Variants in STPG2 observed in about 807,000 individuals in gnomAD.
STPG2 encodes the protein sperm-tail PG-rich repeat-containing protein 2.
A neutral mutation model predicts 54.2 loss-of-function variants in STPG2; 56 were observed. The observed-to-expected ratio is 1.03, with a 90% CI of 0.83 to 1.29. The LOEUF (loss-of-function observed/expected upper bound fraction) is 1.29, where lower values mean the gene tolerates loss of function less well. STPG2 is among the 50% of genes most tolerant of loss of function. STPG2 has a pLI of 0.00. For missense variants in STPG2, 596 were observed against 544.9 expected (o/e 1.09, Z -0.93); for synonymous variants, 200 against 181.8 (o/e 1.10, Z -0.81).
At chr4:97,965,876 A>C (rs938070695) in intron 7 of STPG2, among the ~76,000 whole-genome samples, 4 of 152,208 alleles carry the variant, frequency 2.6e-5, no homozygotes, top group Non-Finnish European at 4.4e-5. Context: ...CCAACATCAA[A>C]GACCAAAGGT....
chr4:97,780,602 C>T (rs1004928702), intron 9 of STPG2, among the ~76,000 whole-genome samples: 7 of 126,228 alleles, frequency 5.5e-5, no homozygotes, highest in Non-Finnish European at 1.1e-4. Context: ...CTGCAGAATG[C>T]TCCACCCCAA....
chr4:97,770,773 G>A (rs954287226), intron 9 of STPG2, among the ~76,000 whole-genome samples: 6 of 152,120 alleles, frequency 3.9e-5, no homozygotes, highest in Admixed American at 3.9e-4. Context: ...TAAAACTGAA[G>A]GTTCTAAGAA....
At chr4:97,457,773 G>A (rs1351319724) in intron 4 of STPG2, among the ~76,000 whole-genome samples, 1 of 152,128 alleles carries the variant, frequency 6.6e-6, no homozygotes. Context: ...GCTTGGGTTT[G>A]GAAAAGACTA....
At chr4:98,022,654 T>A (rs7684008) in intron 5 of STPG2, among the ~76,000 whole-genome samples, 1 of 151,428 alleles carries the variant, frequency 6.6e-6, no homozygotes, top group Admixed American at 6.6e-5. Context: ...TTCAGGTACA[T>A]CAATCAGACG....
At position 97,808,524 on chromosome 4, in the gene STPG2, A is replaced by T. The variant is rs575653127; in HGVS notation, c.1204+32249T>A. On this transcript the variant is annotated intron_variant, in intron 9 of 10. Transcript: ENST00000295268. ...TTTTTCAAAATCCTAAAAATACTCA[A>T]ATCATAAAGGCAATAAAAACGCAGA... is the stretch of plus-strand genomic sequence containing the variant. Among the ~76,000 whole-genome samples, 858 of 151,880 alleles carry T rather than the reference A, an allele frequency of 5.6e-3. 5 individuals are homozygous for T. The highest frequency in any genetic ancestry group is 0.02 in the Middle Eastern group (6 of 294).
intron 4 of STPG2, among the ~76,000 whole-genome samples, chr4:97,498,978 C>G (rs999061616): frequency 4.6e-5 from 7 of 151,876 alleles, no homozygotes; most frequent in Non-Finnish European, 1.0e-4. Context: ...CTCAAGAAGC[C>G]AGTACTTAAG....
intron 1 of STPG2, among the ~76,000 whole-genome samples, chr4:98,138,555 G>A (rs1173230174): frequency 1.3e-5 from 2 of 151,938 alleles, no homozygotes; most frequent in Non-Finnish European, 2.9e-5. Flanking sequence ...AAAGAAAACG[G>A]CATTTTTCAC....
At position 97,475,998 on chromosome 4, in the gene STPG2, T is replaced by A. The variant is rs532062318; in HGVS notation, c.462+236701A>T. On this transcript the variant is annotated intron_variant, in intron 4 of 4. Coordinates refer to the STPG2 transcript ENST00000522676. ...TTATTTTTTCTCTGTACCATTAGAA[T>A]GTAAGCTCTTGGAGGAAGAAATATT... Among the ~76,000 whole-genome samples the A allele has an allele frequency of 2.4e-4, 36 of 152,314 alleles. 1 individual carries two copies. Among genetic ancestry groups the A allele is most frequent in the Non-Finnish European group, 4.9e-4 (33 of 68,020 alleles).
chr4:97,475,389 C>T (rs915820628), intron 4 of STPG2, among the ~76,000 whole-genome samples: 2 of 151,056 alleles, frequency 1.3e-5, no homozygotes, highest in South Asian at 2.1e-4. Flanking sequence ...TAGAAATCTT[C>T]ACTCTTTAAC....
At chr4:97,536,025 G>A (rs1428589528) in intron 4 of STPG2, among the ~76,000 whole-genome samples, 2 of 152,064 alleles carry the variant, frequency 1.3e-5, no homozygotes, top group Non-Finnish European at 2.9e-5. Context: ...GAGTGCAGTG[G>A]TTTTCTTCAG....
intron 5 of STPG2, among the ~76,000 whole-genome samples, chr4:97,991,367 A>G (rs1213207634): frequency 2.0e-5 from 3 of 150,688 alleles, no homozygotes; most frequent in Non-Finnish European, 3.0e-5. Flanking sequence ...TGTGTGGTGT[A>G]TATATATATG....
At chr4:97,845,399 C>A (rs554144083) in intron 8 of STPG2, among the ~76,000 whole-genome samples, 2 of 151,984 alleles carry the variant, frequency 1.3e-5, no homozygotes, top group East Asian at 3.9e-4. Flanking sequence ...TTATTCTATT[C>A]GATCTCTTAA....
chr4:97,506,019 CAAAAAAAAA>C (rs59206485), intron 4 of STPG2, among the ~76,000 whole-genome samples: 2 of 16,922 alleles, frequency 1.2e-4, no homozygotes, highest in African/African-American at 4.0e-4. Context: ...AATAGGAGAC[CAAAAAAAAA>C]AAAAAAAAAA....
intron 9 of STPG2, among the ~76,000 whole-genome samples, chr4:97,743,401 C>CATAGACTTATTG (rs1303584964): frequency 2.0e-5 from 3 of 151,706 alleles, no homozygotes; most frequent in Admixed American, 1.3e-4. Context: ...CTTTCACTTA[C>CATAGACTTATTG]ATAGACTTAT....
intron 7 of STPG2, among the ~76,000 whole-genome samples, chr4:97,952,825 C>T (rs971433078): frequency 6.6e-6 from 1 of 152,174 alleles, no homozygotes; most frequent in Non-Finnish European, 1.5e-5. Context: ...CAGAATGATA[C>T]AGACAATAGT....
At chr4:98,097,624 T>G (rs1366405275) in intron 5 of STPG2, among the ~76,000 whole-genome samples, 1 of 152,024 alleles carries the variant, frequency 6.6e-6, no homozygotes, top group Non-Finnish European at 1.5e-5. Context: ...AAGTCCTAGC[T>G]AGAGAAATCA....
intron 8 of STPG2, among the ~76,000 whole-genome samples, chr4:97,862,312 C>T (rs924945066): frequency 2.0e-5 from 3 of 151,968 alleles, no homozygotes; most frequent in Non-Finnish European, 2.9e-5. Context: ...TATGATAAAA[C>T]AGACTTTAAA....
At chr4:97,990,029 C>A (rs1197206676) in intron 5 of STPG2, among the ~76,000 whole-genome samples, 1 of 152,138 alleles carries the variant, frequency 6.6e-6, no homozygotes, top group Non-Finnish European at 1.5e-5. Context: ...ACTAACAAAC[C>A]AGAATTACTT....
chr4:97,776,939 C>T (rs567946966), intron 9 of STPG2, among the ~76,000 whole-genome samples: 4 of 152,178 alleles, frequency 2.6e-5, no homozygotes, highest in South Asian at 2.1e-4. Flanking sequence ...GGTTTCCTTC[C>T]GTTTACTAAT....
Sources: gnomAD v4.1 joint callset for allele counts (sites outside exome capture counted in the v4.1 genomes callset) on GRCh38, gnomAD v4.1.1 for gene constraint, MANE v1.5 for transcripts, NCBI Gene and HGNC (gene_info 2026-07-23, HGNC 2026-07-21) for gene names.